CACNG4: variants seen among roughly 807,000 people sequenced by gnomAD.
The protein encoded by CACNG4 is voltage-dependent calcium channel gamma-4 subunit.
A neutral mutation model predicts 22.9 loss-of-function variants in CACNG4; 8 were observed. The observed-to-expected ratio is 0.35, with a 90% confidence interval of 0.21 to 0.63. The LOEUF (loss-of-function observed/expected upper bound fraction) is 0.63, where lower values mean the gene tolerates loss of function less well. Among genes scored for constraint, CACNG4 ranks in the 30% least tolerant of loss-of-function variants. CACNG4 has a pLI of 0.72. For synonymous variants in CACNG4, 188 were observed against 191.9 expected (o/e 0.98, Z 0.17); for missense variants, 357 against 455.4 (o/e 0.78, Z 1.97).
intron 2 of CACNG4, among the ~76,000 whole-genome samples, chr17:67,022,059 A>G (rs569673337): frequency 5.1e-4 from 76 of 147,612 alleles, no homozygotes; most frequent in Middle Eastern, 3.7e-3. Context: ...GCATCCAGTG[A>G]TCTTAGAGCA....
rs1450570587 is a variant in CACNG4, at chr17:66,964,811, G to C, written c.-101G>C. On this transcript the variant is annotated 5_prime_UTR_variant, in exon 1 of 4. Transcript: ENST00000262138. The stretch of plus-strand genomic sequence containing the variant: ...AGCGCGGCGCCGCCCCCCGGCCCTC[G>C]GCCCCCCAACCCCGGCGCCCCCGGA... 2 of 429,276 alleles carry C rather than the reference G, an allele frequency of 4.7e-6. No individual in the cohort carries two copies. The highest frequency in any genetic ancestry group is 2.2e-5 in the African/African-American group (1 of 45,928). 26.6% of individuals were successfully genotyped at this position (429,276 alleles called of 1,614,324 possible).
In CACNG4 at chr17:67,031,710, G is replaced by T. The variant is rs1042609445; in HGVS notation, c.*706G>T. On this transcript the variant is annotated 3_prime_UTR_variant, in exon 4 of 4. Coordinates refer to ENST00000262138, the MANE Select transcript of CACNG4 (RefSeq NM_014405.4). The surrounding 1 kb of genome is among the most constrained non-coding windows in gnomAD (Gnocchi z 4.0). Reference sequence around the variant, plus strand: ...GGGGCTGTTGCTGGCTATCCTCTTTGCTTCTGGAAGTTTCTGCCTCACTCA... The same window carrying T: ...GGGGCTGTTGCTGGCTATCCTCTTTTCTTCTGGAAGTTTCTGCCTCACTCA... 2.2e-6 allele frequency: 1 copy of T among 456,632 alleles called. No homozygotes were observed. The highest frequency in any genetic ancestry group is 4.4e-6 in the Non-Finnish European group (1 of 226,986). The allele number at this position is 456,632 out of a possible 1,614,324, so 28.3% of individuals were successfully genotyped here.
chr17:66,967,106 G>A (rs1197166030), intron 1 of CACNG4, among the ~76,000 whole-genome samples: 3 of 152,096 alleles, frequency 2.0e-5, no homozygotes, highest in East Asian at 1.9e-4. Flanking sequence ...ACTCCTCCCC[G>A]CCAGCAAACC....
At chr17:66,972,128 T>C (rs2035208448) in intron 1 of CACNG4, among the ~76,000 whole-genome samples, 1 of 152,028 alleles carries the variant, frequency 6.6e-6, no homozygotes, top group Admixed American at 6.5e-5. Context: ...GACAGCACCA[T>C]GGCCAAGTAG....
At chr17:66,977,435 G>A (rs892310769) in intron 1 of CACNG4, among the ~76,000 whole-genome samples, 23 of 152,312 alleles carry the variant, frequency 1.5e-4, no homozygotes, top group African/African-American at 5.1e-4. Flanking sequence ...GGGGTTGTGG[G>A]TGGGGGATCG....
At chr17:67,020,500 G>T (rs1183537563) in intron 2 of CACNG4, among the ~76,000 whole-genome samples, 3 of 152,232 alleles carry the variant, frequency 2.0e-5, no homozygotes, top group Non-Finnish European at 4.4e-5. Context: ...CAGCTTGACG[G>T]CTTTCGGGCC....
chr17:67,019,216 G>A (rs960782329), intron 2 of CACNG4, among the ~76,000 whole-genome samples: 3 of 152,132 alleles, frequency 2.0e-5, no homozygotes, highest in East Asian at 1.9e-4. Flanking sequence ...CTAAGAGAAA[G>A]GATTTTGATT....
At chr17:66,986,100 G>A (rs182763647) in intron 1 of CACNG4, among the ~76,000 whole-genome samples, 198 of 152,334 alleles carry the variant, frequency 1.3e-3, no homozygotes, top group African/African-American at 4.6e-3. Flanking sequence ...TGGGACAGAG[G>A]GATTGTTCCC....
intron 1 of CACNG4, among the ~76,000 whole-genome samples, chr17:67,015,955 C>T (rs1321745233): frequency 6.6e-6 from 1 of 152,152 alleles, no homozygotes; most frequent in Non-Finnish European, 1.5e-5. Context: ...GGGATGTAGC[C>T]GGCCCACTCT....
rs1380427481 is a variant in CACNG4 at position 66,992,915 on chromosome 17, C to T, written c.221-25274C>T. Among the ~76,000 whole-genome samples the T allele has an allele frequency of 2.0e-5, 3 of 152,264 alleles. No homozygotes were observed. In the East Asian group the frequency reaches 5.8e-4, roughly 29 times the overall value. The stretch of plus-strand genomic sequence containing the variant: ...CCTCGTTTGGGCCATACATAAAACC[C>T]CAGGTAGAACCATCACCCAAGTGGG... On this transcript the variant is annotated intron_variant, in intron 1 of 3. Coordinates refer to ENST00000262138, the MANE Select transcript of CACNG4 (RefSeq NM_014405.4).
At chr17:66,988,158 C>T (rs949506639) in intron 1 of CACNG4, among the ~76,000 whole-genome samples, 13 of 152,000 alleles carry the variant, frequency 8.6e-5, no homozygotes, top group Non-Finnish European at 5.9e-5. Flanking sequence ...TCCCCGTGTA[C>T]TGCACCTGGG....
intron 1 of CACNG4, among the ~76,000 whole-genome samples, chr17:66,997,480 G>C (rs1186860179): frequency 6.6e-6 from 1 of 152,160 alleles, no homozygotes; most frequent in African/African-American, 2.4e-5. Flanking sequence ...GATGTCCCCG[G>C]GGATGGGATG....
chr17:67,013,059 C>A (rs1222826261), intron 1 of CACNG4, among the ~76,000 whole-genome samples: 1 of 152,192 alleles, frequency 6.6e-6, no homozygotes, highest in Non-Finnish European at 1.5e-5. Context: ...CCTGAAATGG[C>A]TCACAGGGTG....
intron 1 of CACNG4, among the ~76,000 whole-genome samples, chr17:66,996,181 G>A (rs1038714461): frequency 5.3e-5 from 8 of 152,070 alleles, no homozygotes; most frequent in Non-Finnish European, 8.8e-5. Flanking sequence ...TCTCTGCTCC[G>A]TGGTTGGGCA....
intron 1 of CACNG4, among the ~76,000 whole-genome samples, chr17:66,965,504 C>G (rs2035163864): frequency 8.4e-6 from 1 of 119,702 alleles, no homozygotes; most frequent in Non-Finnish European, 1.8e-5. Flanking sequence ...CCGGCACCCC[C>G]GGGGGAGGTG....
At chr17:67,005,871 G>A (rs1473337536) in intron 1 of CACNG4, among the ~76,000 whole-genome samples, 3 of 152,194 alleles carry the variant, frequency 2.0e-5, no homozygotes, top group South Asian at 2.1e-4. Context: ...CAATGGGCCC[G>A]AGTCACTATG....
At chr17:67,025,326 T>C (rs1260836272) in intron 3 of CACNG4, among the ~76,000 whole-genome samples, 1 of 152,128 alleles carries the variant, frequency 6.6e-6, no homozygotes, top group Non-Finnish European at 1.5e-5. Flanking sequence ...AACCGGAAAA[T>C]AAGTCCAGGT....
chr17:67,031,313 G>C lies in CACNG4; in HGVS notation c.*309G>C. 2 of 574,536 alleles carry C rather than the reference G, an allele frequency of 3.5e-6. No homozygotes were observed. Among genetic ancestry groups the C allele is most frequent in the South Asian group, 3.0e-5 (2 of 65,578 alleles). 35.6% of individuals were successfully genotyped at this position (574,536 alleles called of 1,614,324 possible). A position where few individuals can be genotyped will look rare whatever the true frequency, so the allele number is the denominator to read the frequency against. Reference sequence around the variant, plus strand: ...GAGGCTGCCTGGCCTTGATCAACTTGGGAAGACAAAATTGAGCCATTATCT... The same window carrying C: ...GAGGCTGCCTGGCCTTGATCAACTTCGGAAGACAAAATTGAGCCATTATCT... On this transcript the variant is annotated 3_prime_UTR_variant, in exon 4 of 4. Transcript: ENST00000262138. This position sits in a 1 kb window ranked among gnomAD's most constrained non-coding sequence, Gnocchi z 4.0.
intron 1 of CACNG4, 84 bp downstream of exon 1, chr17:66,965,215 C>CAT (rs1398163361): frequency 5.1e-5 from 45 of 879,000 alleles, no homozygotes; most frequent in Non-Finnish European, 1.0e-5. Context: ...CGCGCGCGCA[C>CAT]ACACACACAC....
Sources: gnomAD v4.1 joint callset for allele counts (sites outside exome capture counted in the v4.1 genomes callset) on GRCh38, gnomAD v4.1.1 for gene constraint, Gnocchi (gnomAD v3.1) non-coding constraint, MANE v1.5 for transcripts, NCBI Gene and HGNC (gene_info 2026-07-23, HGNC 2026-07-21) for gene names.